The following MRPS27 variants were observed in gnomAD, a reference collection of about 807,000 sequenced individuals.
MRPS27 encodes the protein mitochondrial ribosomal protein S27, also known as small ribosomal subunit protein mS27.
In MRPS27, 43 loss-of-function variants were observed where a neutral mutation model predicts 48.9. The ratio of observed to expected loss-of-function variants is 0.88; its 90% CI spans 0.69 to 1.13. MRPS27 has a LOEUF of 1.13. Among genes scored for constraint, MRPS27 ranks in the 50% most tolerant of loss-of-function variants. The pLI, the probability that MRPS27 is intolerant of heterozygous loss-of-function variation, is 0.00. For missense variants in MRPS27, 467 were observed against 476.3 expected, an observed-to-expected ratio of 0.98 and a Z score of 0.18; for synonymous variants, 188 against 171.9, an observed-to-expected ratio of 1.09 and a Z score of -0.73.
rs545186402 is a variant in MRPS27, at chr5:72,234,791, C to T, written c.397-594G>A. 5.9e-5 allele frequency among the ~76,000 whole-genome samples: 9 copies of T among 152,188 alleles called. No homozygotes were observed. The East Asian group carries it at 1.2e-3, about 20-fold the overall frequency. ...GTGTTTTTAACAATATAGATTCCTACGTCTCAGACCTATAGAACCAGAATC... is the reference window on the plus strand; with the variant it reads ...GTGTTTTTAACAATATAGATTCCTATGTCTCAGACCTATAGAACCAGAATC... On this transcript the variant is annotated intron_variant, in intron 5 of 10. Coordinates refer to ENST00000261413, the MANE Select transcript of MRPS27 (RefSeq NM_015084.3).
intron 7 of MRPS27, 171 bp from the exon 8 acceptor site, chr5:72,228,539 T>C (rs1310782891): frequency 4.4e-6 from 2 of 454,662 alleles, no homozygotes; most frequent in African/African-American, 4.0e-5. Flanking sequence ...GGTACTTACG[T>C]CAAAGAAAAA....
At chr5:72,306,932 C>T (rs1166806944) in intron 2 of MRPS27, among the ~76,000 whole-genome samples, 1 of 152,134 alleles carries the variant, frequency 6.6e-6, no homozygotes, top group Non-Finnish European at 1.5e-5. Flanking sequence ...ACTCTCTCTA[C>T]TTCTGTATGT....
chr5:72,264,474 A>T (rs1221969474), intron 4 of MRPS27, among the ~76,000 whole-genome samples: 2 of 152,202 alleles, frequency 1.3e-5, no homozygotes, highest in African/African-American at 4.8e-5. Flanking sequence ...TATAGGTTGA[A>T]GTTCTAACCT....
chr5:72,312,820 A>G (rs551393037), intron 2 of MRPS27, among the ~76,000 whole-genome samples: 23 of 151,978 alleles, frequency 1.5e-4, no homozygotes, highest in African/African-American at 5.6e-4. Context: ...GGGTTTCATC[A>G]TCTTGGCCAG....
At chr5:72,234,773 T>A (rs1042789792) in intron 5 of MRPS27, among the ~76,000 whole-genome samples, 1 of 152,128 alleles carries the variant, frequency 6.6e-6, no homozygotes, top group Non-Finnish European at 1.5e-5. Context: ...AGAGTGTTTT[T>A]AACAATATAG....
intron 2 of MRPS27, among the ~76,000 whole-genome samples, chr5:72,307,667 A>G (rs1273793775): frequency 6.9e-6 from 1 of 144,032 alleles, no homozygotes; most frequent in Non-Finnish European, 1.5e-5. Context: ...TCAAATGTTA[A>G]AACACTAAAA....
At chr5:72,293,908 T>C (rs1749906750) in intron 4 of MRPS27, among the ~76,000 whole-genome samples, 3 of 152,000 alleles carry the variant, frequency 2.0e-5, no homozygotes, top group Non-Finnish European at 4.4e-5. Context: ...AGACAAAAAG[T>C]AACTACCAAA....
intron 1 of MRPS27, among the ~76,000 whole-genome samples, chr5:72,314,925 C>T (rs1750527980): frequency 6.6e-6 from 1 of 152,214 alleles, no homozygotes; most frequent in Non-Finnish European, 1.5e-5. Flanking sequence ...GGAGTAGTAT[C>T]TTACCCAATG....
At chr5:72,270,393 T>C (rs961739295) in intron 4 of MRPS27, among the ~76,000 whole-genome samples, 4 of 151,782 alleles carry the variant, frequency 2.6e-5, no homozygotes, top group Admixed American at 1.3e-4. Flanking sequence ...GAAGTACAAA[T>C]GACTCTTAAG....
At chr5:72,289,442 A>G (rs1201528325) in intron 4 of MRPS27, among the ~76,000 whole-genome samples, 1 of 150,370 alleles carries the variant, frequency 6.7e-6, no homozygotes, top group Non-Finnish European at 1.5e-5. Flanking sequence ...TTTTTTTGAG[A>G]CAGGGGTCTC....
At chr5:72,221,993 C>T (rs1747757573) in intron 10 of MRPS27, among the ~76,000 whole-genome samples, 1 of 152,084 alleles carries the variant, frequency 6.6e-6, no homozygotes, top group South Asian at 2.1e-4. Flanking sequence ...TAGCTTATAC[C>T]ACACATCCCC....
chr5:72,221,418 AT>A (rs1371287268), intron 10 of MRPS27, among the ~76,000 whole-genome samples: 1 of 152,160 alleles, frequency 6.6e-6, no homozygotes, highest in Non-Finnish European at 1.5e-5. Context: ...CAGCTCAGCA[AT>A]TTTGCTAAGA....
intron 4 of MRPS27, among the ~76,000 whole-genome samples, chr5:72,273,478 T>C (rs919769944): frequency 8.5e-5 from 13 of 152,198 alleles, no homozygotes; most frequent in African/African-American, 3.1e-4. Flanking sequence ...CAGAGTTTAC[T>C]TACACAAACC....
intron 1 of MRPS27, among the ~76,000 whole-genome samples, chr5:72,317,329 A>C (rs755071514): frequency 1.3e-5 from 2 of 152,238 alleles, no homozygotes; most frequent in Non-Finnish European, 2.9e-5. Flanking sequence ...AGACGCTTTC[A>C]AAAGGAGAAC....
At chr5:72,241,286 C>A (rs1052487420) in intron 4 of MRPS27, among the ~76,000 whole-genome samples, 1 of 152,206 alleles carries the variant, frequency 6.6e-6, no homozygotes, top group Admixed American at 6.5e-5. Context: ...AGCCACTGTG[C>A]CCAGCCTTGG....
At chr5:72,318,316 T>G (rs1750615282) in intron 1 of MRPS27, among the ~76,000 whole-genome samples, 1 of 152,262 alleles carries the variant, frequency 6.6e-6, no homozygotes. Flanking sequence ...TGCAGAATGC[T>G]CGGATAAGGA....
chr5:72,307,077 G>A (rs562157531), intron 2 of MRPS27, among the ~76,000 whole-genome samples: 1 of 152,278 alleles, frequency 6.6e-6, no homozygotes, highest in East Asian at 1.9e-4. Flanking sequence ...ACCTGAGCCA[G>A]GAGCGGTGGC....
intron 2 of MRPS27, among the ~76,000 whole-genome samples, chr5:72,306,894 T>C (rs1750284055): frequency 6.6e-6 from 1 of 152,204 alleles, no homozygotes; most frequent in Admixed American, 6.5e-5. Context: ...TTGCTGGAGC[T>C]GGGTGACAGT....
intron 4 of MRPS27, among the ~76,000 whole-genome samples, chr5:72,275,763 TC>T (rs1015600419): frequency 1.3e-5 from 2 of 152,100 alleles, no homozygotes; most frequent in African/African-American, 4.8e-5. Flanking sequence ...CTGTACCCTT[TC>T]CCCACTGGCC....
Sources: gnomAD v4.1 joint callset for allele counts (sites outside exome capture counted in the v4.1 genomes callset) on GRCh38, gnomAD v4.1.1 for gene constraint, MANE v1.5 for transcripts, NCBI Gene and HGNC (gene_info 2026-07-23, HGNC 2026-07-21) for gene names.